Variants in TENM1 observed in about 807,000 individuals in gnomAD.
TENM1 encodes the protein teneurin transmembrane protein 1, also known as teneurin-1.
Under a neutral mutation model 174.8 loss-of-function variants are expected in TENM1, and 35 were observed. The ratio of observed to expected loss-of-function variants is 0.20; its 90% CI spans 0.15 to 0.27. TENM1 has a LOEUF of 0.27. Ranked by LOEUF, TENM1 falls within the 10% of genes least tolerant of loss-of-function variation. The pLI is 1.00. For missense variants in TENM1, 1,633 were observed against 2,130.1 expected (o/e 0.77, Z 4.59); for synonymous variants, 781 against 798.7 (o/e 0.98, Z 0.37).
the TENM1 span, among the ~76,000 whole-genome samples, chrX:125,183,040 T>C: frequency 8.9e-6 from 1 of 112,278 alleles, no homozygotes; most frequent in South Asian, 3.7e-4. Context: ...GAATTCTTTC[T>C]TATATCTCAT....
chrX:124,428,382 G>C (rs1402776994), intron 23 of TENM1, among the ~76,000 whole-genome samples: 1 of 112,154 alleles, frequency 8.9e-6, no homozygotes, highest in Non-Finnish European at 1.9e-5. Flanking sequence ...AGAAATTCAT[G>C]TTTAAAAGCA....
At chrX:124,725,356 T>C (rs757553714) in intron 4 of TENM1, among the ~76,000 whole-genome samples, 22 of 111,952 alleles carry the variant, frequency 2.0e-4, no homozygotes, top group Admixed American at 3.8e-4. Context: ...TAATAAGTAT[T>C]TGTTAAAATT....
At position 124,645,731 on chromosome X, in the gene TENM1, T is replaced by C. The variant is rs548539876; in HGVS notation, c.1682-394A>G. On this transcript the variant is annotated intron_variant, in intron 9 of 31. Transcript: ENST00000422452. ...GTTATTAATGTTATAAAATATTATC[T>C]TTAAAAAGTTGTGTAATTAAATAGA... 6.9e-3 allele frequency among the ~76,000 whole-genome samples: 773 copies of C among 112,551 alleles called. 7 individuals carry two copies. Among genetic ancestry groups the C allele is most frequent in the Middle Eastern group, 0.037 (8 of 217 alleles).
the TENM1 span, among the ~76,000 whole-genome samples, chrX:125,090,373 C>T: frequency 1.8e-5 from 2 of 111,190 alleles, no homozygotes; most frequent in African/African-American, 3.3e-5. Flanking sequence ...AGGCCAGATA[C>T]GGTGGCTCAC....
At chrX:124,858,014 C>T (rs1039125609) in intron 3 of TENM1, among the ~76,000 whole-genome samples, 1 of 111,850 alleles carries the variant, frequency 8.9e-6, no homozygotes, top group Non-Finnish European at 1.9e-5. Context: ...CTAATGCATG[C>T]ATTTTACATA....
intron 11 of TENM1, among the ~76,000 whole-genome samples, chrX:124,578,464 C>T (rs762848389): frequency 9.0e-5 from 10 of 111,520 alleles, no homozygotes; most frequent in Non-Finnish European, 1.7e-4. Context: ...GCTCAGAGAT[C>T]GATTAACTAT....
chrX:124,811,548 C>T (rs1355063984), intron 3 of TENM1, among the ~76,000 whole-genome samples: 1 of 110,933 alleles, frequency 9.0e-6, no homozygotes, highest in Admixed American at 9.5e-5. Context: ...AAAAGAAAAC[C>T]CTGACAAACT....
chrX:124,541,805 G>T (rs1460138827), intron 15 of TENM1, among the ~76,000 whole-genome samples: 4 of 112,155 alleles, frequency 3.6e-5, no homozygotes, highest in African/African-American at 1.3e-4. Flanking sequence ...TCAAGAGGTG[G>T]GATCTATGTC....
intron 26 of TENM1, among the ~76,000 whole-genome samples, 170 bp downstream of exon 29, chrX:124,406,147 T>C (rs2060459427): frequency 9.2e-6 from 1 of 108,249 alleles, no homozygotes; most frequent in Non-Finnish European, 1.9e-5. Context: ...ATGTGAGAAC[T>C]TGTAAAAGGT....
At chrX:124,936,613 T>C (rs1276029180) in intron 1 of TENM1, among the ~76,000 whole-genome samples, 1 of 112,419 alleles carries the variant, frequency 8.9e-6, no homozygotes, top group Non-Finnish European at 1.9e-5. Flanking sequence ...TTTCTTGATG[T>C]AACACTAAGC....
intron 3 of TENM1, among the ~76,000 whole-genome samples, chrX:124,856,342 A>G (rs1375540945): frequency 2.7e-5 from 3 of 111,211 alleles, no homozygotes; most frequent in African/African-American, 9.8e-5. Context: ...AGTTATATAC[A>G]TTAGATTAAA....
At chrX:124,596,833 G>A (rs747907027) in intron 11 of TENM1, among the ~76,000 whole-genome samples, 3 of 110,833 alleles carry the variant, frequency 2.7e-5, no homozygotes, top group Non-Finnish European at 5.7e-5. Context: ...AATCATATTT[G>A]CCTTAGAAAG....
chrX:125,198,736 C>T, the TENM1 span, among the ~76,000 whole-genome samples: 2 of 110,954 alleles, frequency 1.8e-5, no homozygotes, highest in Admixed American at 1.9e-4. Flanking sequence ...TAGTGACTCC[C>T]AGCTGTCTGT....
intron 15 of TENM1, among the ~76,000 whole-genome samples, chrX:124,531,640 G>A (rs1431735280): frequency 1.8e-5 from 2 of 112,150 alleles, no homozygotes; most frequent in East Asian, 5.6e-4. Flanking sequence ...TTTTTCCAGT[G>A]AGCTGTCCAT....
intron 11 of TENM1, among the ~76,000 whole-genome samples, chrX:124,570,908 T>C (rs2049040523): frequency 9.0e-6 from 1 of 111,595 alleles, no homozygotes; most frequent in Non-Finnish European, 1.9e-5. Flanking sequence ...CTGGAGGTCC[T>C]AGCCAATGAA....
At chrX:124,489,567 C>A (rs2047022013) in intron 20 of TENM1, among the ~76,000 whole-genome samples, 1 of 111,557 alleles carries the variant, frequency 9.0e-6, no homozygotes, top group Non-Finnish European at 1.9e-5. Flanking sequence ...CACAAGAATA[C>A]CTATTCTGGA....
At chrX:124,946,201 C>T (rs1165874045) in intron 1 of TENM1, among the ~76,000 whole-genome samples, 9 of 110,907 alleles carry the variant, frequency 8.1e-5, no homozygotes, top group Non-Finnish European at 1.3e-4. Flanking sequence ...AGCTAGTAGG[C>T]GCAGCAATAG....
the TENM1 span, among the ~76,000 whole-genome samples, chrX:124,993,980 T>C: frequency 2.7e-5 from 3 of 110,362 alleles, no homozygotes; most frequent in African/African-American, 3.3e-5. Context: ...TCTACTCAAA[T>C]AGTAAGTGCT....
chrX:124,561,021 G>A (rs1321297492), intron 14 of TENM1, among the ~76,000 whole-genome samples: 3 of 111,010 alleles, frequency 2.7e-5, no homozygotes, highest in Non-Finnish European at 5.7e-5. Context: ...AATATCATGC[G>A]CAGCTCCTTG....
Sources: gnomAD v4.1 joint callset for allele counts (sites outside exome capture counted in the v4.1 genomes callset) on GRCh38, gnomAD v4.1.1 for gene constraint, MANE v1.5 for transcripts, NCBI Gene and HGNC (gene_info 2026-07-23, HGNC 2026-07-21) for gene names.